FAM177A1: variants seen among roughly 807,000 people sequenced by gnomAD.
FAM177A1 encodes family with sequence similarity 177 member A1, also known as protein FAM177A1.
A neutral mutation model predicts 26.1 loss-of-function variants in FAM177A1; 22 were observed. The observed-to-expected ratio is 0.84, with a 90% CI of 0.60 to 1.20. The LOEUF is 1.20. Among genes scored for constraint, FAM177A1 ranks in the 50% most tolerant of loss-of-function variants. FAM177A1 has a pLI of 0.00. For missense variants in FAM177A1, 296 were observed against 291.1 expected, an observed-to-expected ratio of 1.02 and a Z score of -0.12; for synonymous variants, 95 against 99.3, an observed-to-expected ratio of 0.96 and a Z score of 0.26.
At chr14:35,080,104 GTACTGACTACCCGTTC>G (rs1354255748) in intron 4 of FAM177A1, among the ~76,000 whole-genome samples, 1 of 152,062 alleles carries the variant, frequency 6.6e-6, no homozygotes, top group Admixed American at 6.6e-5. Context: ...TACTCACTGT[GTACTGACTACCCGTTC>G]TGCAGGGTCC....
At chr14:35,078,222 G>A (rs1475563913) in intron 3 of FAM177A1, among the ~76,000 whole-genome samples, 1 of 152,170 alleles carries the variant, frequency 6.6e-6, no homozygotes, top group Non-Finnish European at 1.5e-5. Flanking sequence ...TGCCTTATCA[G>A]TTTGGGTTAA....
rs190443771 is a variant in FAM177A1, at chr14:35,083,244, T to A, written c.*2016T>A. ...TGTAACAAAAGGAAGTAGTGACTTA[T>A]GAAGGTTTTGTTTCTTGAATTTTAC... is the stretch of plus-strand genomic sequence containing the variant. On this transcript the variant is annotated 3_prime_UTR_variant, in exon 5 of 5. Transcript: ENST00000280987. The A allele has an allele frequency of 1.3e-5, 2 of 152,668 alleles. No individual in the cohort carries two copies. The highest frequency in any genetic ancestry group is 3.8e-4 in the East Asian group (2 of 5,206). The allele number at this position is 152,668 out of a possible 1,614,324, so 9.5% of individuals were successfully genotyped here. A position where few individuals can be genotyped will look rare whatever the true frequency, so the allele number is the denominator to read the frequency against.
At chr14:35,059,179 C>T (rs929884229) in intron 2 of FAM177A1, among the ~76,000 whole-genome samples, 7 of 152,188 alleles carry the variant, frequency 4.6e-5, no homozygotes, top group Admixed American at 4.6e-4. Flanking sequence ...CCTGCCTCGG[C>T]CTCCCAAAAT....
intron 2 of FAM177A1, among the ~76,000 whole-genome samples, chr14:35,076,448 G>C (rs567736187): frequency 5.9e-5 from 9 of 152,030 alleles, no homozygotes; most frequent in African/African-American, 1.7e-4. Flanking sequence ...GTTGTGGGGT[G>C]GGGGGAGCGG....
chr14:35,050,234 C>G (rs1434542480), intron 1 of FAM177A1: 1 of 152,058 alleles, frequency 6.6e-6, no homozygotes, highest in Non-Finnish European at 1.5e-5. Context: ...GTCTCACACC[C>G]TTGACCTCAA....
In FAM177A1 at chr14:35,053,271, G is replaced by T. The variant is rs1042892182; in HGVS notation, c.166-7G>T. On this transcript the variant is annotated splice_region_variant and splice_polypyrimidine_tract_variant and intron_variant, in intron 1 of 4. Transcript: ENST00000280987. ...AAACTCATTTTCTTAAAATATCGTT[G>T]ATATAGATGAGTAACGAAAGAGGCT... The T allele has an allele frequency of 9.4e-6, 15 of 1,591,592 alleles. No homozygotes were observed. Among genetic ancestry groups the T allele is most frequent in the Admixed American group, 3.9e-5 (2 of 51,768 alleles).
At chr14:35,049,795 A>G (rs2044934711) in intron 1 of FAM177A1, among the ~76,000 whole-genome samples, 2 of 152,186 alleles carry the variant, frequency 1.3e-5, no homozygotes, top group African/African-American at 4.8e-5. Flanking sequence ...AAAAAAGAAA[A>G]AAACAGATCC....
intron 2 of FAM177A1, among the ~76,000 whole-genome samples, chr14:35,071,296 C>T (rs565371342): frequency 3.3e-5 from 5 of 151,884 alleles, no homozygotes; most frequent in South Asian, 4.2e-4. Context: ...TGCACCCGGC[C>T]GACCTCCATT....
At chr14:35,056,456 A>G (rs2045063726) in intron 2 of FAM177A1, among the ~76,000 whole-genome samples, 1 of 152,134 alleles carries the variant, frequency 6.6e-6, no homozygotes, top group Admixed American at 6.5e-5. Context: ...CCTGGGTTCA[A>G]GCAATTCTCC....
rs779705799 is a variant in FAM177A1, at chr14:35,081,060, A to G, written c.543A>G (p.Glu181=). Residue 181 remains glutamate, a synonymous_variant, in exon 5 of 5, where the codon GAA becomes GAG. Coordinates refer to ENST00000280987, the MANE Select transcript of FAM177A1 (RefSeq NM_173607.5). The part of the protein sequence containing the change: ...EEEEENRMSE[E]AEKQYQQNKL... ...AAGAAGAAAACAGGATGTCTGAAGA[A>G]GCAGAAAAACAATATCAACAGAATA... is the stretch of plus-strand genomic sequence containing the variant. 2 of 1,612,412 alleles carry G rather than the reference A, an allele frequency of 1.2e-6. No individual in the cohort carries two copies. Among genetic ancestry groups the G allele is most frequent in the South Asian group, 2.2e-5 (2 of 90,760 alleles).
chr14:35,077,351 A>T, intron 3 of FAM177A1, 135 bp downstream of exon 3: 2 of 744,128 alleles, frequency 2.7e-6, no homozygotes, highest in Non-Finnish European at 4.7e-6. Flanking sequence ...GCTAGCTAGC[A>T]TTGGGAGATA....
chr14:35,055,977 C>T (rs1217862702), intron 2 of FAM177A1, among the ~76,000 whole-genome samples: 4 of 152,014 alleles, frequency 2.6e-5, no homozygotes, highest in African/African-American at 9.7e-5. Flanking sequence ...GTTGAGCATC[C>T]TTTCAGGTGC....
At position 35,046,612 on chromosome 14, in the gene FAM177A1, G is replaced by C. The variant is rs752040724; in HGVS notation, c.149G>C (p.Gly50Ala). 3 of 1,548,618 alleles carry C rather than the reference G, an allele frequency of 1.9e-6. No homozygotes were observed. In the African/African-American group the frequency reaches 4.1e-5, roughly 21 times the overall value. ...GGAGCTGCGGCCGCCGCGGCATTCG[G>C]GGAATCTGCAGGGCAGGTAGGTGGG... ...ASGAAAAAAF[G>A]ESAGQMSNER... Residue 50 changes from glycine to alanine, a missense_variant, in exon 1 of 5, where the codon GGG (glycine) becomes GCG (alanine). Transcript: ENST00000280987.
rs1411457452 is a variant in FAM177A1, at chr14:35,053,253, TTTTCTTAAAATATCGTTGA to T, written c.166-23_166-5del. 6.3e-7 allele frequency: 1 copy of T among 1,581,712 alleles called. No individual in the cohort carries two copies. Among genetic ancestry groups the T allele is most frequent in the East Asian group, 2.2e-5 (1 of 44,674 alleles). On this transcript the variant is annotated splice_polypyrimidine_tract_variant and splice_region_variant and intron_variant, in intron 1 of 4. Transcript: ENST00000280987. ...GAAAATTAATCTCACTTGAAACTCATTTTCTTAAAATATCGTTGATATAGATGAGTAACGAAAGAGGCTT... is the reference window on the plus strand; with the variant it reads ...GAAAATTAATCTCACTTGAAACTCATTATAGATGAGTAACGAAAGAGGCTT...
At chr14:35,079,939 A>G (rs2045453969) in intron 4 of FAM177A1, among the ~76,000 whole-genome samples, 1 of 152,168 alleles carries the variant, frequency 6.6e-6, no homozygotes, top group Non-Finnish European at 1.5e-5. Context: ...CTGACTTAAT[A>G]TTTGTCATAT....
rs911053748 is a variant in FAM177A1 at position 35,046,273 on chromosome 14, G to A, written c.-191G>A. On this transcript the variant is annotated 5_prime_UTR_variant, in exon 1 of 5. Transcript: ENST00000280987. ...CGCGAGCCGGTAGTTGCGCCTCCCA[G>A]ACTGCAGTTGGCCAGCTCTCGGGGT... The A allele has an allele frequency of 1.8e-6, 1 of 560,422 alleles. No homozygotes were observed. The highest frequency in any genetic ancestry group is 2.8e-6 in the Non-Finnish European group (1 of 355,496). The allele number at this position is 560,422 out of a possible 1,614,324, so 34.7% of individuals were successfully genotyped here.
At chr14:35,064,978 G>C (rs180878786) in intron 2 of FAM177A1, among the ~76,000 whole-genome samples, 219 of 151,938 alleles carry the variant, frequency 1.4e-3, no homozygotes, top group African/African-American at 5.1e-3. Flanking sequence ...CTATTTCTCT[G>C]ATATTTTTTA....
chr14:35,046,652 C>T (rs993914392), intron 1 of FAM177A1, 24 bp downstream of exon 1: 11 of 1,517,494 alleles, frequency 7.2e-6, no homozygotes, highest in Admixed American at 4.2e-5. Context: ...CCGAGGCTGA[C>T]GTCCGGGGAG....
rs528303053 is a variant in FAM177A1, at chr14:35,046,752, C to T, written c.165+124C>T. On this transcript the variant is annotated intron_variant, in intron 1 of 4. Transcript: ENST00000280987. ...GGCCGCCCCAGCTTTGGAGTTCCTC[C>T]TCACTGCACCCCTGTTTCTGCTCAC... is the stretch of plus-strand genomic sequence containing the variant. 7.8e-6 allele frequency: 11 copies of T among 1,407,978 alleles called. No individual in the cohort carries two copies. In the South Asian group the frequency reaches 1.5e-4, roughly 20 times the overall value. 87.2% of individuals were successfully genotyped at this position (1,407,978 alleles called of 1,614,324 possible). A position where few individuals can be genotyped will look rare whatever the true frequency, so the allele number is the denominator to read the frequency against.
Sources: gnomAD v4.1 joint callset for allele counts (sites outside exome capture counted in the v4.1 genomes callset) on GRCh38, gnomAD v4.1.1 for gene constraint, MANE v1.5 for transcripts, NCBI Gene and HGNC (gene_info 2026-07-23, HGNC 2026-07-21) for gene names.